Variants in SPATA18 observed in about 807,000 individuals in gnomAD.
SPATA18 encodes the protein spermatogenesis associated 18, also known as mitochondria-eating protein.
A neutral mutation model predicts 68.1 loss-of-function variants in SPATA18; 54 were observed. The ratio of observed to expected loss-of-function variants is 0.79; its 90% CI spans 0.64 to 0.99. The LOEUF (loss-of-function observed/expected upper bound fraction) is 0.99, where lower values mean the gene tolerates loss of function less well. Ranked by LOEUF, SPATA18 falls within the 50% of genes least tolerant of loss-of-function variation. SPATA18 has a pLI of 0.00. For missense variants in SPATA18, 724 were observed against 681.1 expected (o/e 1.06, Z -0.70); for synonymous variants, 242 against 244.8 (o/e 0.99, Z 0.11).
intron 1 of SPATA18, among the ~76,000 whole-genome samples, chr4:52,060,004 G>A (rs1032074362): frequency 6.6e-6 from 1 of 152,186 alleles, no homozygotes; most frequent in African/African-American, 2.4e-5. Flanking sequence ...TCTCAACCAT[G>A]TGACAATTCA....
Position 52,059,789 on chromosome 4 carries a change from T to C in SPATA18, c.88-630T>C, listed in dbSNP as rs572028262. Among the ~76,000 whole-genome samples, 8 of 152,370 alleles carry C rather than the reference T, an allele frequency of 5.3e-5. No homozygotes were observed. In the South Asian group the frequency reaches 1.7e-3, roughly 32 times the overall value. ...ATACCTTCTTGCTGTTAAGAAGTAATGTTCTCTATGCATATATAATATATA... is the reference window on the plus strand; with the variant it reads ...ATACCTTCTTGCTGTTAAGAAGTAACGTTCTCTATGCATATATAATATATA... On this transcript the variant is annotated intron_variant, in intron 1 of 12. Transcript: ENST00000295213.
At chr4:52,062,186 GTTTT>G (rs34989037) in intron 3 of SPATA18, 30 bp from the exon 4 acceptor site, 3,785 of 801,484 alleles carry the variant, frequency 4.7e-3, no homozygotes, top group South Asian at 5.8e-3. Context: ...TATTCAGACT[GTTTT>G]TTTTTTTTTT....
intron 9 of SPATA18, among the ~76,000 whole-genome samples, chr4:52,081,834 T>C (rs1740943381): frequency 6.6e-6 from 1 of 152,098 alleles, no homozygotes; most frequent in South Asian, 2.1e-4. Context: ...CATCTTTTTT[T>C]TTTCCTAACC....
intron 3 of SPATA18, 76 bp from the exon 4 acceptor site, chr4:52,062,144 G>GT (rs1560584984): frequency 6.5e-6 from 6 of 926,862 alleles, no homozygotes; most frequent in African/African-American, 5.3e-5. Context: ...GAGTTGGGCT[G>GT]TTTTTTAAAA....
chr4:52,078,618 G>A (rs1740617874), intron 7 of SPATA18, 117 bp from the exon 8 acceptor site: 1 of 881,150 alleles, frequency 1.1e-6, no homozygotes, highest in Non-Finnish European at 1.7e-6. Flanking sequence ...GATCAACTGT[G>A]TTTAGTTATC....
chr4:52,070,323 G>A (rs2109451783), intron 5 of SPATA18, among the ~76,000 whole-genome samples: 1 of 152,124 alleles, frequency 6.6e-6, no homozygotes, highest in South Asian at 2.1e-4. Context: ...GGTTCATTAT[G>A]TTCCATCATT....
chr4:52,090,031 G>T (rs1741798267), intron 11 of SPATA18, among the ~76,000 whole-genome samples: 1 of 152,152 alleles, frequency 6.6e-6, no homozygotes, highest in South Asian at 2.1e-4. Flanking sequence ...TTACCATTAT[G>T]TAATGCCCTT....
At chr4:52,089,696 CT>C (rs1372216768) in intron 11 of SPATA18, among the ~76,000 whole-genome samples, 1 of 152,184 alleles carries the variant, frequency 6.6e-6, no homozygotes, top group East Asian at 1.9e-4. Context: ...GAGTGTTTTA[CT>C]TCCAATTATG....
chr4:52,071,301 C>T (rs1739821792), intron 5 of SPATA18, among the ~76,000 whole-genome samples: 1 of 152,162 alleles, frequency 6.6e-6, no homozygotes, highest in South Asian at 2.1e-4. Context: ...GGCCATGCCA[C>T]TTTGTATCTT....
intron 1 of SPATA18, among the ~76,000 whole-genome samples, chr4:52,052,026 C>T (rs1326700532): frequency 6.6e-6 from 1 of 152,206 alleles, no homozygotes; most frequent in African/African-American, 2.4e-5. Context: ...CGGAGCGCAG[C>T]ACTAGGCTGC....
intron 6 of SPATA18, among the ~76,000 whole-genome samples, chr4:52,073,463 A>G (rs1268350771): frequency 1.1e-4 from 16 of 152,078 alleles, no homozygotes; most frequent in Admixed American, 7.2e-4. Flanking sequence ...TGACCTTCCA[A>G]TCCCCACCTC....
At chr4:52,053,385 G>A (rs961710313) in intron 1 of SPATA18, among the ~76,000 whole-genome samples, 2 of 152,026 alleles carry the variant, frequency 1.3e-5, no homozygotes, top group African/African-American at 4.8e-5. Context: ...ATACCTTGTG[G>A]CCACTCCCCA....
Position 52,095,728 on chromosome 4 carries a change from A to G in SPATA18, c.*841A>G, listed in dbSNP as rs963688567. The G allele has an allele frequency of 3.9e-5, 6 of 152,162 alleles. No homozygotes were observed. Among genetic ancestry groups the G allele is most frequent in the South Asian group, 2.1e-4 (1 of 4,828 alleles). 9.4% of individuals were successfully genotyped at this position (152,162 alleles called of 1,614,324 possible). On this transcript the variant is annotated 3_prime_UTR_variant, in exon 13 of 13. Coordinates refer to ENST00000295213, the MANE Select transcript of SPATA18 (RefSeq NM_145263.4). ...TTGGGACATGCTCTTCACCTGTTCT[A>G]CCTAGTTATTTGCAAATTCAGACCT...
intron 11 of SPATA18, among the ~76,000 whole-genome samples, chr4:52,087,146 C>A (rs1578199775): frequency 6.6e-6 from 1 of 152,000 alleles, no homozygotes; most frequent in African/African-American, 2.4e-5. Context: ...TGTTTAAGTT[C>A]TTTGTAGATT....
Position 52,089,512 on chromosome 4 carries a change from C to T in SPATA18, c.1563+4513C>T, listed in dbSNP as rs572884391. 3.9e-5 allele frequency among the ~76,000 whole-genome samples: 6 copies of T among 152,292 alleles called. No individual in the cohort carries two copies. The East Asian group carries it at 1.2e-3, about 29-fold the overall frequency. ...CGTTCTCATTGGTTTCAAAGAACAT[C>T]TTTATTTCTGCCTTCATTTCGTTAT... On this transcript the variant is annotated intron_variant, in intron 11 of 12. Coordinates refer to ENST00000295213, the MANE Select transcript of SPATA18 (RefSeq NM_145263.4).
At chr4:52,079,205 A>G (rs949787231) in intron 8 of SPATA18, among the ~76,000 whole-genome samples, 1 of 152,202 alleles carries the variant, frequency 6.6e-6, no homozygotes, top group Non-Finnish European at 1.5e-5. Context: ...TCTGACACTT[A>G]CTAGCTGTGT....
chr4:52,062,399 G>C, intron 4 of SPATA18, 67 bp downstream of exon 4: 1 of 1,134,876 alleles, frequency 8.8e-7, no homozygotes, highest in Non-Finnish European at 1.3e-6. Flanking sequence ...TTTTAAATTC[G>C]AAAGGAGAAT....
At position 52,082,392 on chromosome 4, in the gene SPATA18, G is replaced by A. The variant is rs770461417; in HGVS notation, c.1361G>A (p.Arg454His). 32 of 1,613,612 alleles carry A rather than the reference G, an allele frequency of 2.0e-5. No individual in the cohort carries two copies. Among genetic ancestry groups the A allele is most frequent in the East Asian group, 6.7e-5 (3 of 44,878 alleles). ...DGEVFNDCKY[R>H]RSYDSDFTAP... The stretch of plus-strand genomic sequence containing the variant: ...TTTTTGTATATTGAAAACAGATACC[G>A]CCGCAGCTACGACTCGGATTTCACT... The change falls in exon 10 of 13, where the codon CGC becomes CAC. Residue 454 changes from arginine to histidine, a missense_variant. Arg to His is a conservative substitution (Grantham distance 29, BLOSUM62 0). Transcript: ENST00000295213.
rs1449325514 is a variant in SPATA18, at chr4:52,051,335, A to C, written c.-370A>C. On this transcript the variant is annotated 5_prime_UTR_variant, in exon 1 of 13. Coordinates refer to ENST00000295213, the MANE Select transcript of SPATA18 (RefSeq NM_145263.4). ...CCCCTGGGGCGCGCGGCTGTCACCC[A>C]GGGCGGGGCGGCGCGGGCGTTGCCA... The C allele has an allele frequency of 5.0e-6, 1 of 199,344 alleles. No individual in the cohort carries two copies. Among genetic ancestry groups the C allele is most frequent in the East Asian group, 1.4e-4 (1 of 7,064 alleles). 12.3% of individuals were successfully genotyped at this position (199,344 alleles called of 1,614,324 possible).
Sources: gnomAD v4.1 joint callset for allele counts (sites outside exome capture counted in the v4.1 genomes callset) on GRCh38, gnomAD v4.1.1 for gene constraint, MANE v1.5 for transcripts, NCBI Gene and HGNC (gene_info 2026-07-23, HGNC 2026-07-21) for gene names.